The following ESYT2 variants were observed in gnomAD, a reference collection of about 807,000 sequenced individuals.
ESYT2 encodes the protein extended synaptotagmin-2.
In ESYT2, 54 loss-of-function variants were observed where a neutral mutation model predicts 107.2. The observed-to-expected ratio is 0.50, with a 90% CI of 0.40 to 0.63. ESYT2 has a LOEUF of 0.63. Among genes scored for constraint, ESYT2 ranks in the 30% least tolerant of loss-of-function variants. The pLI, the probability that ESYT2 is intolerant of heterozygous loss-of-function variation, is 0.00. For missense variants in ESYT2, 1,020 were observed against 1,094.5 expected (o/e 0.93, Z 0.96); for synonymous variants, 491 against 434.1 (o/e 1.13, Z -1.63).
intron 8 of ESYT2, among the ~76,000 whole-genome samples, chr7:158,766,285 TG>T (rs1838162422): frequency 6.6e-6 from 1 of 152,156 alleles, no homozygotes; most frequent in Admixed American, 6.5e-5. Flanking sequence ...TATTTTCACA[TG>T]TCTAAAGTTG....
chr7:158,792,074 G>T (rs796394197), intron 4 of ESYT2, among the ~76,000 whole-genome samples: 1 of 149,144 alleles, frequency 6.7e-6, no homozygotes, highest in Non-Finnish European at 1.5e-5. Context: ...ATTGTTAATT[G>T]TTAGTGTATA....
intron 6 of ESYT2, among the ~76,000 whole-genome samples, chr7:158,782,840 G>C (rs1337186892): frequency 3.9e-5 from 6 of 152,014 alleles, no homozygotes; most frequent in African/African-American, 1.4e-4. Flanking sequence ...GTGCGGACAA[G>C]TGTGAAAGAA....
At chr7:158,798,952 C>A in intron 2 of ESYT2, 79 bp downstream of exon 2, 1 of 1,444,452 alleles carries the variant, frequency 6.9e-7, no homozygotes, top group Non-Finnish European at 9.6e-7. Context: ...TACCAACATG[C>A]AAATCCCCAA....
At chr7:158,828,879 G>A (rs1420188429) in intron 1 of ESYT2, among the ~76,000 whole-genome samples, 4 of 150,752 alleles carry the variant, frequency 2.7e-5, no homozygotes, top group Non-Finnish European at 5.9e-5. Flanking sequence ...ACCGGCCCGG[G>A]GGCCGGGGCT....
chr7:158,734,317 T>A, intron 22 of ESYT2, 65 bp from the exon 23 acceptor site: 1 of 1,613,034 alleles, frequency 6.2e-7, no homozygotes, highest in East Asian at 2.2e-5. Context: ...GCCTATCAGA[T>A]ACGTGTCGGG....
intron 3 of ESYT2, among the ~76,000 whole-genome samples, chr7:158,794,633 A>T (rs1839407251): frequency 6.6e-6 from 1 of 152,098 alleles, no homozygotes; most frequent in African/African-American, 2.4e-5. Flanking sequence ...AAAACTCCCC[A>T]GGCGTGGTGG....
At chr7:158,738,230 T>C (rs1003037702) in intron 19 of ESYT2, among the ~76,000 whole-genome samples, 7 of 150,952 alleles carry the variant, frequency 4.6e-5, no homozygotes, top group African/African-American at 1.2e-4. Flanking sequence ...GAGAATTGCT[T>C]GAACCCAAGA....
chr7:158,791,020 C>T (rs1016376047), intron 4 of ESYT2, among the ~76,000 whole-genome samples: 4 of 152,174 alleles, frequency 2.6e-5, no homozygotes, highest in African/African-American at 7.2e-5. Context: ...ACATCCATAA[C>T]GTGCAACCAT....
At position 158,771,347 on chromosome 7, in the gene ESYT2, A is replaced by G. The variant is rs185604201; in HGVS notation, c.803+1994T>C. ...GTGTGGATGTTTGTTCCATTTGGCTAAACAGTATCTCCTCCCCCTATTTCT... is the reference window on the plus strand; with the variant it reads ...GTGTGGATGTTTGTTCCATTTGGCTGAACAGTATCTCCTCCCCCTATTTCT... On this transcript the variant is annotated intron_variant, in intron 7 of 22. Transcript: ENST00000275418. 3.9e-5 allele frequency among the ~76,000 whole-genome samples: 6 copies of G among 152,356 alleles called. 1 individual carries two copies. The highest frequency in any genetic ancestry group is 3.3e-4 in the Admixed American group (5 of 15,308).
chr7:158,764,863 A>G lies in ESYT2; in HGVS notation c.925-10T>C, dbSNP rs1838095995. On this transcript the variant is annotated splice_polypyrimidine_tract_variant and intron_variant, in intron 8 of 22. Coordinates refer to ENST00000275418, the MANE Select transcript of ESYT2 (RefSeq NM_001367773.1). ...GTATCCTTAGAACACCCTGAAAAGA[A>G]GAACAAACTGAAGTTTAGACCCTTG... 6.2e-7 allele frequency: 1 copy of G among 1,612,664 alleles called. No homozygotes were observed. Among genetic ancestry groups the G allele is most frequent in the African/African-American group, 1.3e-5 (1 of 74,786 alleles).
intron 18 of ESYT2, among the ~76,000 whole-genome samples, chr7:158,740,662 GAA>G (rs1276635971): frequency 6.6e-6 from 1 of 152,104 alleles, no homozygotes; most frequent in Non-Finnish European, 1.5e-5. Context: ...GAGCTCCTGA[GAA>G]AAAGTGTTTC....
At chr7:158,804,474 C>A in intron 1 of ESYT2, among the ~76,000 whole-genome samples, 1 of 134,324 alleles carries the variant, frequency 7.4e-6, no homozygotes, top group East Asian at 2.6e-4. Context: ...ACCCAAACTG[C>A]CGAGAAGGGT....
Position 158,825,260 on chromosome 7 carries a change from T to C in ESYT2, c.330+3829A>G, listed in dbSNP as rs142643289. ...GTGAGCCGAGACCATGCCACTGCCC[T>C]TCATCCTGGGCAACAGAGTGAGACT... On this transcript the variant is annotated intron_variant, in intron 1 of 22. Coordinates refer to ENST00000275418, the MANE Select transcript of ESYT2 (RefSeq NM_001367773.1). Among the ~76,000 whole-genome samples the C allele has an allele frequency of 6.3e-3, 961 of 152,206 alleles. 6 individuals carry two copies. Among genetic ancestry groups the C allele is most frequent in the Non-Finnish European group, 8.4e-3 (568 of 67,988 alleles).
intron 1 of ESYT2, among the ~76,000 whole-genome samples, chr7:158,826,638 T>TGG (rs1563045297): frequency 4.2e-4 from 63 of 150,248 alleles, no homozygotes; most frequent in African/African-American, 1.4e-3. Context: ...CTGGCCAACA[T>TGG]GGTGAAACCC....
chr7:158,767,559 G>A (rs1838204945), intron 8 of ESYT2, 95 bp downstream of exon 8: 2 of 1,502,140 alleles, frequency 1.3e-6, no homozygotes, highest in Admixed American at 4.0e-5. Context: ...GGCTGCTGGG[G>A]AGAGACAAAG....
intron 1 of ESYT2, among the ~76,000 whole-genome samples, chr7:158,808,540 C>A (rs188507405): frequency 6.6e-6 from 1 of 152,218 alleles, no homozygotes; most frequent in East Asian, 1.9e-4. Flanking sequence ...AAGTATCATA[C>A]GCTGAGGTTG....
At chr7:158,734,512 G>C in intron 21 of ESYT2, 41 bp from the exon 22 acceptor site, 1 of 1,582,138 alleles carries the variant, frequency 6.3e-7, no homozygotes, top group Non-Finnish European at 8.6e-7. Flanking sequence ...GGCTGGGCTG[G>C]GGGCACTGGC....
At chr7:158,760,321 T>A (rs1478680303) in intron 11 of ESYT2, among the ~76,000 whole-genome samples, 174 bp from the exon 12 acceptor site, 2 of 152,232 alleles carry the variant, frequency 1.3e-5, no homozygotes, top group East Asian at 3.8e-4. Flanking sequence ...TGGATGCCAG[T>A]GACCTCACGT....
intron 1 of ESYT2, among the ~76,000 whole-genome samples, chr7:158,800,725 TTTTC>T (rs1467665727): frequency 4.2e-5 from 5 of 119,362 alleles, no homozygotes; most frequent in Non-Finnish European, 7.4e-5. Context: ...TTCTTTTTTC[TTTTC>T]TTTTCTTTTT....
Sources: gnomAD v4.1 joint callset for allele counts (sites outside exome capture counted in the v4.1 genomes callset) on GRCh38, gnomAD v4.1.1 for gene constraint, MANE v1.5 for transcripts, NCBI Gene and HGNC (gene_info 2026-07-23, HGNC 2026-07-21) for gene names.